Variants in SND1 observed in about 807,000 individuals in gnomAD.
The protein encoded by SND1 is staphylococcal nuclease domain-containing protein 1.
In SND1, 38 loss-of-function variants were observed where a neutral mutation model predicts 121.7. The ratio of observed to expected loss-of-function variants is 0.31; its 90% CI spans 0.24 to 0.41. The LOEUF is 0.41. Ranked by LOEUF, SND1 falls within the 10% of genes least tolerant of loss-of-function variation. The pLI is 1.00. For synonymous variants in SND1, 401 were observed against 447.4 expected, an observed-to-expected ratio of 0.90 and a Z score of 1.31; for missense variants, 868 against 1,184.6, an observed-to-expected ratio of 0.73 and a Z score of 3.92.
At chr7:127,987,658 C>T (rs545848043) in intron 15 of SND1, among the ~76,000 whole-genome samples, 1 of 152,350 alleles carries the variant, frequency 6.6e-6, no homozygotes, top group South Asian at 2.1e-4. Context: ...CTGCCCCGTC[C>T]TTCCATCCTT....
chr7:127,935,046 A>C (rs1274699152), intron 15 of SND1, among the ~76,000 whole-genome samples: 1 of 152,214 alleles, frequency 6.6e-6, no homozygotes, highest in Non-Finnish European at 1.5e-5. Flanking sequence ...CATCAAGTAT[A>C]TAAAAACTGT....
chr7:127,662,808 C>A (rs1795337905), intron 1 of SND1, among the ~76,000 whole-genome samples: 2 of 152,010 alleles, frequency 1.3e-5, no homozygotes, highest in Admixed American at 6.5e-5. Flanking sequence ...ACTTCCCCAA[C>A]CTCCCAATAT....
chr7:127,960,648 G>C (rs1584697066), intron 15 of SND1, among the ~76,000 whole-genome samples: 1 of 152,216 alleles, frequency 6.6e-6, no homozygotes, highest in East Asian at 1.9e-4. Flanking sequence ...CTTATCAGTA[G>C]CTGAGAAAAT....
intron 4 of SND1, 73 bp downstream of exon 4, chr7:127,699,026 C>A: frequency 8.2e-7 from 1 of 1,219,830 alleles, no homozygotes. Context: ...TTCTTGCCCC[C>A]AGACATGGGT....
At chr7:127,888,162 G>A in intron 13 of SND1, 150 bp downstream of exon 13, 1 of 562,964 alleles carries the variant, frequency 1.8e-6, no homozygotes, top group Non-Finnish European at 3.1e-6. Flanking sequence ...ATGAAAAGAA[G>A]GACACACTTT....
chr7:127,829,119 C>T (rs1171508976), intron 11 of SND1, among the ~76,000 whole-genome samples: 1 of 152,112 alleles, frequency 6.6e-6, no homozygotes, highest in African/African-American at 2.4e-5. Context: ...CCTTAAAACC[C>T]GAATTACAGT....
intron 14 of SND1, 150 bp downstream of exon 14, chr7:127,904,969 T>A (rs1800308249): frequency 1.7e-6 from 1 of 579,434 alleles, no homozygotes; most frequent in Non-Finnish European, 3.1e-6. Context: ...GGCATCTACT[T>A]AGGTATCTAT....
At chr7:127,899,765 G>T (rs1408734638) in intron 13 of SND1, among the ~76,000 whole-genome samples, 1 of 152,148 alleles carries the variant, frequency 6.6e-6, no homozygotes, top group African/African-American at 2.4e-5. Flanking sequence ...CATGAATTTA[G>T]TTAAGATATC....
chr7:128,025,521 T>A (rs138992114), intron 16 of SND1, among the ~76,000 whole-genome samples: 1 of 152,300 alleles, frequency 6.6e-6, no homozygotes, highest in East Asian at 1.9e-4. Flanking sequence ...TTGCTATAAC[T>A]ACCCCCTAAA....
intron 16 of SND1, among the ~76,000 whole-genome samples, chr7:127,996,674 C>G (rs990970189): frequency 2.0e-5 from 3 of 152,198 alleles, no homozygotes; most frequent in Non-Finnish European, 4.4e-5. Flanking sequence ...GCTTGGGAAC[C>G]CTCTCCGAGC....
intron 15 of SND1, among the ~76,000 whole-genome samples, chr7:127,936,696 A>G (rs899994054): frequency 1.3e-5 from 2 of 151,924 alleles, no homozygotes; most frequent in African/African-American, 4.8e-5. Flanking sequence ...GGTGCATGCC[A>G]CCACACCTGG....
intron 12 of SND1, among the ~76,000 whole-genome samples, chr7:127,877,722 C>T (rs984776235): frequency 8.5e-5 from 13 of 152,098 alleles, no homozygotes; most frequent in African/African-American, 2.7e-4. Flanking sequence ...CATGAGCTAC[C>T]GCGTCCAGCC....
intron 16 of SND1, among the ~76,000 whole-genome samples, chr7:128,041,352 C>T (rs1449405709): frequency 6.6e-6 from 1 of 152,170 alleles, no homozygotes; most frequent in Admixed American, 6.5e-5. Flanking sequence ...CAGCCCAGCG[C>T]CCACACCACT....
intron 1 of SND1, among the ~76,000 whole-genome samples, chr7:127,659,188 T>A (rs1017641373): frequency 4.6e-5 from 7 of 152,224 alleles, no homozygotes; most frequent in African/African-American, 1.4e-4. Context: ...GACTGACATA[T>A]GCTTTTTGCT....
intron 11 of SND1, among the ~76,000 whole-genome samples, chr7:127,816,855 G>T (rs1325203616): frequency 1.3e-5 from 2 of 151,850 alleles, no homozygotes; most frequent in Non-Finnish European, 2.9e-5. Flanking sequence ...TAGGGATAGG[G>T]TTTCACCATG....
At chr7:127,685,634 T>G (rs1448842997) in intron 1 of SND1, among the ~76,000 whole-genome samples, 1 of 152,228 alleles carries the variant, frequency 6.6e-6, no homozygotes, top group African/African-American at 2.4e-5. Context: ...TAGAGCTCTT[T>G]TCACAGTTGC....
At chr7:127,853,025 GCTT>G (rs35140726) in intron 12 of SND1, among the ~76,000 whole-genome samples, 45,670 of 151,826 alleles carry the variant, frequency 0.3, 7,526 homozygotes, top group African/African-American at 0.44. Flanking sequence ...CTCTTGGACA[GCTT>G]CATCACAAAA....
intron 12 of SND1, among the ~76,000 whole-genome samples, chr7:127,872,620 ACACACACG>A (rs1463556823): frequency 3.6e-4 from 36 of 98,900 alleles, no homozygotes; most frequent in African/African-American, 1.6e-3. Context: ...ACCTTTTTTA[ACACACACG>A]CACACACACA....
intron 13 of SND1, among the ~76,000 whole-genome samples, chr7:127,895,070 C>T (rs1477379691): frequency 6.6e-6 from 1 of 151,966 alleles, no homozygotes; most frequent in Non-Finnish European, 1.5e-5. Context: ...TGCCATCTCT[C>T]ATTTCTATTA....
Sources: gnomAD v4.1 joint callset for allele counts (sites outside exome capture counted in the v4.1 genomes callset) on GRCh38, gnomAD v4.1.1 for gene constraint, MANE v1.5 for transcripts, NCBI Gene and HGNC (gene_info 2026-07-23, HGNC 2026-07-21) for gene names.